Variants in MGAM2 observed in about 807,000 individuals in gnomAD.
The protein encoded by MGAM2 is maltase-glucoamylase 2 (putative).
In MGAM2, 98 loss-of-function variants were observed where a neutral mutation model predicts 96.1. The ratio of observed to expected loss-of-function variants is 1.02; its 90% CI spans 0.87 to 1.21. The LOEUF is 1.21. MGAM2 is among the 50% of genes most tolerant of loss of function. The pLI, the probability that MGAM2 is intolerant of heterozygous loss-of-function variation, is 0.00. For missense variants in MGAM2, 2,055 were observed against 1,182.4 expected, an observed-to-expected ratio of 1.74 and a Z score of -10.82; for synonymous variants, 749 against 414.8, an observed-to-expected ratio of 1.81 and a Z score of -9.79.
chr7:142,179,448 A>G (rs745310533), intron 32 of MGAM2, among the ~76,000 whole-genome samples: 12 of 152,188 alleles, frequency 7.9e-5, no homozygotes, highest in Non-Finnish European at 1.3e-4. Flanking sequence ...TCTCAAGAAG[A>G]ATGCTTCCAG....
At chr7:142,199,707 ATTAACTT>A (rs1444278584) in intron 44 of MGAM2, among the ~76,000 whole-genome samples, 166 bp from the exon 45 acceptor site, 1 of 152,174 alleles carries the variant, frequency 6.6e-6, no homozygotes, top group African/African-American at 2.4e-5. Flanking sequence ...AACGTTTTCC[ATTAACTT>A]TTAAATGTCT....
chr7:142,118,678 G>A (rs1268162665), intron 2 of MGAM2, among the ~76,000 whole-genome samples: 1 of 152,142 alleles, frequency 6.6e-6, no homozygotes, highest in East Asian at 1.9e-4. Flanking sequence ...TTCCTGATAT[G>A]TAGCCTGAGC....
intron 42 of MGAM2, 103 bp downstream of exon 42, chr7:142,197,831 A>G (rs1797099292): frequency 1.2e-5 from 8 of 677,386 alleles, no homozygotes; most frequent in Admixed American, 8.8e-5. Flanking sequence ...CACTATTTTC[A>G]GGCGAATGCC....
Position 142,221,402 on chromosome 7 carries a change from T to A in MGAM2, c.6891T>A (p.Pro2297=), listed in dbSNP as rs1322035985. The A allele has an allele frequency of 1.7e-6, 1 of 604,392 alleles. No individual in the cohort carries two copies. The highest frequency in any genetic ancestry group is 1.9e-5 in the African/African-American group (1 of 53,934). 37.4% of individuals were successfully genotyped at this position (604,392 alleles called of 1,614,324 possible). Residue 2297 remains proline, a synonymous_variant, in exon 48 of 48, where the codon CCT becomes CCA. Transcript: ENST00000477922. ...PGMTTYYQTS[P]TIPTHTLTSI... Reference sequence around the variant, plus strand: ...TGACTACTTATTACCAGACTTCTCCTACCATTCCTACCCATACTCTTACTT... The same window carrying A: ...TGACTACTTATTACCAGACTTCTCCAACCATTCCTACCCATACTCTTACTT...
chr7:142,149,369 T>C (rs1291391732), intron 15 of MGAM2, among the ~76,000 whole-genome samples: 1 of 152,256 alleles, frequency 6.6e-6, no homozygotes, highest in Admixed American at 6.5e-5. Context: ...CTCTGGCCTC[T>C]TCTCTTTACA....
intron 20 of MGAM2, among the ~76,000 whole-genome samples, chr7:142,159,614 T>C (rs1467948314): frequency 6.6e-6 from 1 of 152,174 alleles, no homozygotes; most frequent in African/African-American, 2.4e-5. Flanking sequence ...ATTCCGTGTC[T>C]GGTGAAGGCC....
Position 142,132,049 on chromosome 7 carries a change from G to A in MGAM2, c.539G>A (p.Ser180Asn). The change falls in exon 6 of 48, where the codon AGC becomes AAC. Residue 180 changes from serine (S) to asparagine (N), a missense_variant. Ser to Asn is a conservative substitution (Grantham distance 46, BLOSUM62 1). Coordinates refer to ENST00000477922, the MANE Select transcript of MGAM2 (RefSeq NM_001293626.2). ...GTGGAGGTTACTGATAAACCTTTCA[G>A]CATCAAAATAATGAGGACAAGCAAC... ...YYVEVTDKPF[S>N]IKIMRTSNRR... 1 of 703,082 alleles carries A rather than the reference G, an allele frequency of 1.4e-6. No individual in the cohort carries two copies. The highest frequency in any genetic ancestry group is 2.7e-5 in the East Asian group (1 of 37,260). 43.6% of individuals were successfully genotyped at this position (703,082 alleles called of 1,614,324 possible). A position where few individuals can be genotyped will look rare whatever the true frequency, so the allele number is the denominator to read the frequency against.
At chr7:142,168,895 A>G in intron 26 of MGAM2, among the ~76,000 whole-genome samples, 1 of 152,182 alleles carries the variant, frequency 6.6e-6, no homozygotes, top group East Asian at 1.9e-4. Flanking sequence ...CTCAATTCAG[A>G]CTAGCCCATG....
chr7:142,119,851 C>G (rs1794506948), intron 2 of MGAM2, among the ~76,000 whole-genome samples: 1 of 152,144 alleles, frequency 6.6e-6, no homozygotes, highest in African/African-American at 2.4e-5. Context: ...TCAGAATAGG[C>G]AAATCCATAG....
In MGAM2 at chr7:142,185,062, C is replaced by G. The variant is rs761501547; in HGVS notation, c.3925-15C>G. ...AGGATCTGTAAAGGTTTTAATTGCCCTTCTTTTTCTCTAGGTTTGGCCAGA... is the reference window on the plus strand; with the variant it reads ...AGGATCTGTAAAGGTTTTAATTGCCGTTCTTTTTCTCTAGGTTTGGCCAGA... On this transcript the variant is annotated splice_polypyrimidine_tract_variant and intron_variant, in intron 33 of 47. Transcript: ENST00000477922. The G allele has an allele frequency of 8.5e-6, 6 of 702,486 alleles. No homozygotes were observed. Among genetic ancestry groups the G allele is most frequent in the South Asian group, 7.4e-5 (5 of 67,524 alleles). 43.5% of individuals were successfully genotyped at this position (702,486 alleles called of 1,614,324 possible).
intron 1 of MGAM2, among the ~76,000 whole-genome samples, chr7:142,113,825 G>C (rs73536315): frequency 0.22 from 33,834 of 151,874 alleles, 4,626 homozygotes; most frequent in African/African-American, 0.37. Flanking sequence ...CAGAATTTGG[G>C]GGGCATCAAC....
In MGAM2 at chr7:142,170,214, A is replaced by C. The variant is rs1252985758; in HGVS notation, c.3167A>C (p.Asn1056Thr). Residue 1056 changes from asparagine to threonine, a missense_variant, in exon 27 of 48, where the codon AAC (asparagine) becomes ACC (threonine). Physicochemically the swap from Asn to Thr is moderately conservative, Grantham distance 65 (BLOSUM62 0). Coordinates refer to ENST00000477922, the MANE Select transcript of MGAM2 (RefSeq NM_001293626.2). ...NPFGIQIQRKNSSTVIWDSQL... is the reference protein window; with the variant it reads ...NPFGIQIQRKTSSTVIWDSQL... ...TTTGGAATCCAGATTCAACGCAAAAACTCCAGCACTGTGATGTAAGCACTA... is the reference window on the plus strand; with the variant it reads ...TTTGGAATCCAGATTCAACGCAAAACCTCCAGCACTGTGATGTAAGCACTA... 1 of 702,266 alleles carries C rather than the reference A, an allele frequency of 1.4e-6. No homozygotes were observed. The highest frequency in any genetic ancestry group is 2.7e-5 in the East Asian group (1 of 37,260). 43.5% of individuals were successfully genotyped at this position (702,266 alleles called of 1,614,324 possible).
chr7:142,175,610 C>T (rs1275845800), intron 31 of MGAM2, 42 bp from the exon 32 acceptor site: 5 of 698,880 alleles, frequency 7.2e-6, no homozygotes, highest in Admixed American at 4.0e-5. Context: ...CTGCAGGGCA[C>T]CTACTGCAGG....
intron 14 of MGAM2, among the ~76,000 whole-genome samples, chr7:142,145,874 ATCT>A (rs752861989): frequency 9.9e-5 from 15 of 152,120 alleles, no homozygotes; most frequent in Non-Finnish European, 1.8e-4. Context: ...GGAAGGTATA[ATCT>A]TCTTATATTT....
At chr7:142,116,725 A>G (rs550243885) in intron 1 of MGAM2, 149 bp from the exon 2 acceptor site, 1 of 617,204 alleles carries the variant, frequency 1.6e-6, no homozygotes, top group South Asian at 1.9e-5. Context: ...GATAAGTGGA[A>G]ACAAATATTC....
At chr7:142,161,923 C>T in intron 22 of MGAM2, 32 bp from the exon 23 acceptor site, 1 of 669,516 alleles carries the variant, frequency 1.5e-6, no homozygotes, top group Non-Finnish European at 2.7e-6. Context: ...ATTGGCTTCC[C>T]ATAGTAACCG....
At position 142,158,290 on chromosome 7, in the gene MGAM2, C is replaced by T. The variant is rs964854194; in HGVS notation, c.2121C>T (p.Phe707=). 6 of 702,812 alleles carry T rather than the reference C, an allele frequency of 8.5e-6. No individual in the cohort carries two copies. The highest frequency in any genetic ancestry group is 1.6e-5 in the Non-Finnish European group (6 of 384,986). 43.5% of individuals were successfully genotyped at this position (702,812 alleles called of 1,614,324 possible). The change falls in exon 19 of 48, where the codon TTC becomes TTT. Residue 707 remains phenylalanine (F), a synonymous_variant. Transcript: ENST00000477922. The part of the protein sequence containing the change: ...DSATWDVHEQ[F]LWGPGLLITP... ...CCACGTGGGATGTGCATGAGCAGTT[C>T]TTATGGGGACCTGGACTCCTCATCA...
chr7:142,121,325 C>A (rs1052628029), intron 3 of MGAM2, among the ~76,000 whole-genome samples: 9 of 151,962 alleles, frequency 5.9e-5, no homozygotes, highest in Non-Finnish European at 1.5e-5. Flanking sequence ...TTACAGGCAC[C>A]TGCCACCATG....
chr7:142,200,030 G>A (rs898227568), intron 45 of MGAM2, 62 bp downstream of exon 45: 12 of 580,734 alleles, frequency 2.1e-5, no homozygotes, highest in South Asian at 4.4e-5. Context: ...ATAGAGGCTC[G>A]GCATATAACT....
Sources: allele counts gnomAD v4.1 joint callset (sites outside exome capture counted in the v4.1 genomes callset), GRCh38; gene constraint gnomAD v4.1.1; transcripts MANE v1.5; gene names NCBI Gene and HGNC (gene_info 2026-07-23, HGNC 2026-07-21).